The following SMIM35 variants were observed in gnomAD, a reference collection of about 807,000 sequenced individuals.
The protein encoded by SMIM35 is small integral membrane protein 35, also known as TMPRSS4 antisense RNA 1 (non-protein coding).
chr11:118,052,272 G>A (rs970021306), intron 1 of SMIM35, among the ~76,000 whole-genome samples: 9 of 152,102 alleles, frequency 5.9e-5, no homozygotes, highest in Admixed American at 1.3e-4. Context: ...GGCCTTCTAC[G>A]GCTGCTCAGG....
chr11:118,015,871 G>C (rs953822173), intron 1 of SMIM35, 62 bp from the exon 2 acceptor site: 12 of 399,164 alleles, frequency 3.0e-5, no homozygotes, highest in Non-Finnish European at 8.8e-6. Context: ...CCTGCACCAC[G>C]TTCCAAAGTT....
chr11:118,054,047 C>T (rs925250237), intron 1 of SMIM35, among the ~76,000 whole-genome samples: 2 of 152,072 alleles, frequency 1.3e-5, no homozygotes, highest in African/African-American at 2.4e-5. Context: ...TTACAATTCC[C>T]TATGCTAGGT....
intron 1 of SMIM35, among the ~76,000 whole-genome samples, chr11:118,063,549 C>T (rs1191005869): frequency 6.6e-6 from 1 of 152,140 alleles, no homozygotes; most frequent in Admixed American, 6.5e-5. Context: ...TTTTTGTGTG[C>T]TAATGAGCTG....
intron 1 of SMIM35, among the ~76,000 whole-genome samples, chr11:118,023,657 A>G (rs1253110063): frequency 6.6e-6 from 1 of 152,146 alleles, no homozygotes; most frequent in African/African-American, 2.4e-5. Context: ...ACTAGGCATC[A>G]CAGAAGAAAA....
At chr11:118,041,680 T>G (rs1054074566) in intron 1 of SMIM35, among the ~76,000 whole-genome samples, 6 of 152,178 alleles carry the variant, frequency 3.9e-5, no homozygotes, top group Non-Finnish European at 5.9e-5. Context: ...TTTATATTTG[T>G]AAATGCCTAC....
intron 1 of SMIM35, chr11:118,029,787 C>T (rs566845252): frequency 2.2e-6 from 1 of 457,084 alleles, no homozygotes; most frequent in East Asian, 6.9e-5. Flanking sequence ...AGGTCCTCCC[C>T]CAGGCTCTAT....
At chr11:118,066,959 A>G (rs1251889324) in intron 1 of SMIM35, among the ~76,000 whole-genome samples, 1 of 151,926 alleles carries the variant, frequency 6.6e-6, no homozygotes, top group Non-Finnish European at 1.5e-5. Flanking sequence ...CGAATAGGGG[A>G]GCAAGAGCCT....
chr11:118,052,895 C>G (rs1298720122), intron 1 of SMIM35, among the ~76,000 whole-genome samples: 1 of 152,198 alleles, frequency 6.6e-6, no homozygotes, highest in Admixed American at 6.5e-5. Context: ...CAGCATGTCC[C>G]TCTGTCATAG....
chr11:118,080,739 G>A (rs1945060718), intron 1 of SMIM35, among the ~76,000 whole-genome samples: 1 of 152,128 alleles, frequency 6.6e-6, no homozygotes, highest in African/African-American at 2.4e-5. Flanking sequence ...ACAGAGCTGG[G>A]GAACTGCCGA....
At chr11:118,028,365 C>T (rs1476682391) in intron 1 of SMIM35, among the ~76,000 whole-genome samples, 1 of 152,206 alleles carries the variant, frequency 6.6e-6, no homozygotes, top group Non-Finnish European at 1.5e-5. Context: ...GTCAAGTTTA[C>T]AAGACAGGCC....
chr11:118,057,263 G>T lies in SMIM35; in HGVS notation c.7+29488C>A, dbSNP rs117768856. ...TGGAAACCAAAGTGCACTCAGGAAG[G>T]GTCTGGGTGTAGTTATGTGTATGGG... On this transcript the variant is annotated intron_variant, in intron 1 of 4. Transcript: ENST00000689828. 6.6e-5 allele frequency among the ~76,000 whole-genome samples: 10 copies of T among 152,308 alleles called. No homozygotes were observed. The East Asian group carries it at 1.4e-3, about 21-fold the overall frequency.
In SMIM35 at chr11:118,030,544, C is replaced by T. The variant is rs553794838; in HGVS notation, c.8-14735G>A. Among the ~76,000 whole-genome samples the T allele has an allele frequency of 4.6e-5, 7 of 152,238 alleles. No individual in the cohort carries two copies. In the South Asian group the frequency reaches 8.3e-4, roughly 18 times the overall value. On this transcript the variant is annotated intron_variant, in intron 1 of 4. Coordinates refer to ENST00000689828, the MANE Select transcript of SMIM35 (RefSeq NM_001394165.1). ...GAATATCTGCATGTTCTTTCTTGGG[C>T]CCAGCCGCCATTGGTGGTGGAGTGG...
chr11:118,077,279 G>A, intron 1 of SMIM35: 1 of 1,600,224 alleles, frequency 6.2e-7, no homozygotes. Context: ...GCTACAGGGA[G>A]ACCGGGAGGA....
intron 1 of SMIM35, among the ~76,000 whole-genome samples, chr11:118,016,250 G>T (rs1565380349): frequency 6.6e-6 from 1 of 152,182 alleles, no homozygotes; most frequent in Admixed American, 6.5e-5. Flanking sequence ...TGGCAGCAGG[G>T]TGTTAACCCT....
intron 1 of SMIM35, among the ~76,000 whole-genome samples, chr11:118,084,349 G>C (rs974151969): frequency 6.6e-6 from 1 of 152,192 alleles, no homozygotes; most frequent in Non-Finnish European, 1.5e-5. Flanking sequence ...AGCACTCGAC[G>C]AGTTATGTGA....
chr11:118,025,731 A>T (rs779778993), intron 1 of SMIM35: 4 of 454,434 alleles, frequency 8.8e-6, no homozygotes, highest in Non-Finnish European at 1.8e-5. Flanking sequence ...ATTTTCTCCC[A>T]TTCTATAGGT....
chr11:118,074,154 T>C (rs1286262618), intron 1 of SMIM35, among the ~76,000 whole-genome samples: 1 of 152,142 alleles, frequency 6.6e-6, no homozygotes, highest in Non-Finnish European at 1.5e-5. Flanking sequence ...TGTGAACATA[T>C]TGCCGGGCCC....
chr11:118,039,391 G>C (rs1489402156), intron 1 of SMIM35, among the ~76,000 whole-genome samples: 1 of 152,098 alleles, frequency 6.6e-6, no homozygotes, highest in Non-Finnish European at 1.5e-5. Context: ...GTTCTGTAAT[G>C]GCCTCTTTAG....
chr11:118,069,386 A>T (rs1260150344), intron 1 of SMIM35, among the ~76,000 whole-genome samples: 1 of 151,544 alleles, frequency 6.6e-6, no homozygotes, highest in Admixed American at 6.6e-5. Context: ...ACTGTCTCTA[A>T]CCCCCTCTCC....
Sources: gnomAD v4.1 joint callset for allele counts (sites outside exome capture counted in the v4.1 genomes callset) on GRCh38, gnomAD v4.1.1 for gene constraint, MANE v1.5 for transcripts, NCBI Gene and HGNC (gene_info 2026-07-23, HGNC 2026-07-21) for gene names.